The following CRTC3 variants were observed in gnomAD, a reference collection of about 807,000 sequenced individuals.
CRTC3 encodes CREB regulated transcription coactivator 3.
Under a neutral mutation model 74.5 loss-of-function variants are expected in CRTC3, and 26 were observed. The observed-to-expected ratio is 0.35, with a 90% confidence interval of 0.26 to 0.48. The LOEUF (loss-of-function observed/expected upper bound fraction) is 0.48, where lower values mean the gene tolerates loss of function less well. Among genes scored for constraint, CRTC3 ranks in the 20% least tolerant of loss-of-function variants. The pLI, the probability that CRTC3 is intolerant of heterozygous loss-of-function variation, is 0.99. For missense variants in CRTC3, 760 were observed against 787.3 expected (o/e 0.97, Z 0.41); for synonymous variants, 377 against 325.8 (o/e 1.16, Z -1.69).
intron 6 of CRTC3, among the ~76,000 whole-genome samples, chr15:90,613,122 G>A (rs1252679606): frequency 8.3e-6 from 1 of 120,610 alleles, no homozygotes; most frequent in Admixed American, 7.7e-5. Context: ...GGTGGAGGTT[G>A]CAGTGAGCCA....
At chr15:90,639,356 A>G (rs1969356539) in intron 13 of CRTC3, among the ~76,000 whole-genome samples, 1 of 151,964 alleles carries the variant, frequency 6.6e-6, no homozygotes, top group African/African-American at 2.4e-5. Context: ...TTAATATTCT[A>G]GATTTTATAG....
chr15:90,563,341 A>G (rs1967053599), intron 2 of CRTC3, among the ~76,000 whole-genome samples: 1 of 152,110 alleles, frequency 6.6e-6, no homozygotes, highest in Non-Finnish European at 1.5e-5. Flanking sequence ...AGGAGGCGGA[A>G]GTTGCAGTGA....
intron 11 of CRTC3, among the ~76,000 whole-genome samples, chr15:90,633,726 G>A (rs560101963): frequency 6.6e-6 from 1 of 151,366 alleles, no homozygotes; most frequent in Non-Finnish European, 1.5e-5. Flanking sequence ...GGAACTCTAC[G>A]AATGTTGACT....
chr15:90,633,075 T>G (rs1290723046), intron 11 of CRTC3, among the ~76,000 whole-genome samples: 1 of 152,164 alleles, frequency 6.6e-6, no homozygotes, highest in Non-Finnish European at 1.5e-5. Context: ...ACCCTCCTCA[T>G]TTATTATAAT....
intron 9 of CRTC3, among the ~76,000 whole-genome samples, chr15:90,622,672 G>A (rs1346091396): frequency 1.1e-4 from 16 of 152,210 alleles, no homozygotes; most frequent in East Asian, 1.9e-4. Context: ...CCAACATGGC[G>A]AAACCCTGTC....
intron 3 of CRTC3, chr15:90,596,440 ACT>A (rs1230914224): frequency 2.0e-5 from 3 of 152,126 alleles, no homozygotes; most frequent in Non-Finnish European, 4.4e-5. Flanking sequence ...AAGCTAGTCA[ACT>A]CCTAAAGGAA....
chr15:90,542,911 G>A (rs1966826376), intron 2 of CRTC3, among the ~76,000 whole-genome samples: 1 of 152,180 alleles, frequency 6.6e-6, no homozygotes, highest in Non-Finnish European at 1.5e-5. Flanking sequence ...TCTTTGGCAG[G>A]AATAACGTAG....
At chr15:90,562,987 T>G (rs1237208764) in intron 2 of CRTC3, among the ~76,000 whole-genome samples, 1 of 152,210 alleles carries the variant, frequency 6.6e-6, no homozygotes, top group African/African-American at 2.4e-5. Flanking sequence ...TCTCAGTATC[T>G]CTTACTCTGC....
intron 11 of CRTC3, among the ~76,000 whole-genome samples, chr15:90,636,881 A>G (rs537672036): frequency 1.3e-5 from 2 of 152,158 alleles, no homozygotes; most frequent in African/African-American, 2.4e-5. Context: ...TTAGAATGGC[A>G]ATCATTAAAA....
chr15:90,625,948 A>C lies in CRTC3; in HGVS notation c.922A>C (p.Asn308His). 1.9e-6 allele frequency: 3 copies of C among 1,614,204 alleles called. No individual in the cohort carries two copies. Among genetic ancestry groups the C allele is most frequent in the Non-Finnish European group, 2.5e-6 (3 of 1,180,032 alleles). Reference sequence around the variant, plus strand: ...TATGAGTGTGGGGAATAGTGTGAACAACATCCCAGCTGCTATGACCCACCT... The same window carrying C: ...TATGAGTGTGGGGAATAGTGTGAACCACATCCCAGCTGCTATGACCCACCT... ...GSMSVGNSVN[N>H]IPAAMTHLGI... The change falls in exon 10 of 15, where the codon AAC becomes CAC. Residue 308 changes from asparagine (N) to histidine (H), a missense_variant. Coordinates refer to ENST00000268184, the MANE Select transcript of CRTC3 (RefSeq NM_022769.5).
At chr15:90,556,746 C>T (rs1254849742) in intron 2 of CRTC3, among the ~76,000 whole-genome samples, 2 of 152,056 alleles carry the variant, frequency 1.3e-5, no homozygotes, top group Admixed American at 6.6e-5. Flanking sequence ...AGAAAATCTA[C>T]AGCCGTCAGA....
chr15:90,558,760 AT>A (rs982403823), intron 2 of CRTC3, among the ~76,000 whole-genome samples: 3 of 149,806 alleles, frequency 2.0e-5, no homozygotes, highest in African/African-American at 4.9e-5. Context: ...ATACACATTT[AT>A]TTTTTTTTGA....
chr15:90,630,755 C>CTTTTTTTTTTT lies in CRTC3; in HGVS notation c.1266+1223_1266+1224insTTTTTTTTTTT, dbSNP rs1290271902. 1.1e-4 allele frequency among the ~76,000 whole-genome samples: 4 copies of CTTTTTTTTTTT among 37,488 alleles called. 1 individual carries two copies. Among genetic ancestry groups the CTTTTTTTTTTT allele is most frequent in the African/African-American group, 3.1e-4 (4 of 13,050 alleles). 24.6% of individuals were successfully genotyped at this position (37,488 alleles called of 152,430 possible). On this transcript the variant is annotated intron_variant, in intron 11 of 14. Transcript: ENST00000268184. ...TCACATCCTCTGTCTATTACAGCAT[C>CTTTTTTTTTTT]ATTTTTTTTTTTTTTTTTTTTTTTT...
rs142274876 is a variant in CRTC3, at chr15:90,540,082, A to G, written c.176A>G (p.His59Arg). ...CAGCAACTGCGCCTTACACAGTACC[A>G]TGGAGGATCCTTACCAAATGTGAGC... Reference protein sequence around the residue: ...KLQQLRLTQYHGGSLPNVSQL... With the variant: ...KLQQLRLTQYRGGSLPNVSQL... Residue 59 changes from histidine (H) to arginine (R), a missense_variant, in exon 2 of 15, where the codon CAT becomes CGT. Transcript: ENST00000268184. The G allele has an allele frequency of 2.4e-5, 39 of 1,613,692 alleles. No individual in the cohort carries two copies. The Admixed American group carries it at 3.3e-4, about 14-fold the overall frequency.
intron 3 of CRTC3, chr15:90,596,368 A>AC (rs1967927100): frequency 6.6e-6 from 1 of 152,142 alleles, no homozygotes; most frequent in African/African-American, 2.4e-5. Flanking sequence ...TGTTCAGGGG[A>AC]CCCTATCTCT....
intron 2 of CRTC3, among the ~76,000 whole-genome samples, chr15:90,575,334 A>G (rs528483816): frequency 7.2e-4 from 109 of 152,356 alleles, no homozygotes; most frequent in South Asian, 1.9e-3. Flanking sequence ...CTGGGCTAGA[A>G]GGATGAAACT....
chr15:90,557,969 G>A lies in CRTC3; in HGVS notation c.231+17832G>A, dbSNP rs114661693. ...ACAGTGACCAATGCACTTTCCTGAT[G>A]TCAACCACCCCACTTGCCTTTCTGA... is the stretch of plus-strand genomic sequence containing the variant. On this transcript the variant is annotated intron_variant, in intron 2 of 14. Coordinates refer to ENST00000268184, the MANE Select transcript of CRTC3 (RefSeq NM_022769.5). Among the ~76,000 whole-genome samples, 1,148 of 152,136 alleles carry A rather than the reference G, an allele frequency of 7.5e-3. 17 individuals are homozygous for A. Among genetic ancestry groups the A allele is most frequent in the African/African-American group, 0.026 (1,095 of 41,510 alleles).
intron 2 of CRTC3, among the ~76,000 whole-genome samples, chr15:90,547,266 A>T (rs1335505301): frequency 6.6e-6 from 1 of 152,214 alleles, no homozygotes; most frequent in Non-Finnish European, 1.5e-5. Context: ...GCAATTTGCA[A>T]TATATGATAC....
At chr15:90,570,415 A>G (rs1409174582) in intron 2 of CRTC3, among the ~76,000 whole-genome samples, 1 of 152,182 alleles carries the variant, frequency 6.6e-6, no homozygotes, top group Non-Finnish European at 1.5e-5. Flanking sequence ...ATAGACCCTC[A>G]TTAGAAAAGT....
Sources: allele counts gnomAD v4.1 joint callset (sites outside exome capture counted in the v4.1 genomes callset), GRCh38; gene constraint gnomAD v4.1.1; transcripts MANE v1.5; gene names NCBI Gene and HGNC (gene_info 2026-07-23, HGNC 2026-07-21).